The following CADPS variants were observed in gnomAD, a reference collection of about 807,000 sequenced individuals.
CADPS encodes calcium dependent secretion activator, also known as calcium-dependent secretion activator 1.
Under a neutral mutation model 167.3 loss-of-function variants are expected in CADPS, and 57 were observed. That is an observed-to-expected ratio of 0.34 (90% CI 0.28 to 0.42). The LOEUF (loss-of-function observed/expected upper bound fraction) is 0.42. Among genes scored for constraint, CADPS ranks in the 20% least tolerant of loss-of-function variants. The pLI is 1.00. For missense variants in CADPS, 1,414 were observed against 1,738.1 expected (o/e 0.81, Z 3.32); for synonymous variants, 676 against 635.3 (o/e 1.06, Z -0.96).
intron 1 of CADPS, among the ~76,000 whole-genome samples, chr3:62,792,570 G>T (rs535121601): frequency 6.6e-6 from 1 of 151,810 alleles, no homozygotes; most frequent in South Asian, 2.1e-4. Context: ...ATGAAAGCTC[G>T]CATTATAATT....
intron 6 of CADPS, among the ~76,000 whole-genome samples, chr3:62,629,132 AT>A (rs1241717008): frequency 6.6e-6 from 1 of 152,126 alleles, no homozygotes; most frequent in Non-Finnish European, 1.5e-5. Flanking sequence ...TTAGTGAGAG[AT>A]CATTTACATA....
At chr3:62,552,611 A>G (rs2077494856) in intron 10 of CADPS, among the ~76,000 whole-genome samples, 1 of 152,226 alleles carries the variant, frequency 6.6e-6, no homozygotes, top group African/African-American at 2.4e-5. Flanking sequence ...AGGTCCAGCC[A>G]GTAATCTGTT....
At chr3:62,546,947 G>T (rs2076545364) in intron 11 of CADPS, among the ~76,000 whole-genome samples, 1 of 152,048 alleles carries the variant, frequency 6.6e-6, no homozygotes, top group African/African-American at 2.4e-5. Flanking sequence ...TCTTTTGGTT[G>T]CTGTGCATAA....
intron 17 of CADPS, among the ~76,000 whole-genome samples, chr3:62,511,952 G>A (rs1219167849): frequency 6.6e-6 from 1 of 152,136 alleles, no homozygotes; most frequent in African/African-American, 2.4e-5. Context: ...AGAGAGAAAG[G>A]TTCATGTGTC....
chr3:62,608,891 T>G (rs1335684418), intron 6 of CADPS, among the ~76,000 whole-genome samples: 1 of 152,150 alleles, frequency 6.6e-6, no homozygotes, highest in East Asian at 1.9e-4. Flanking sequence ...TACGCCTCCT[T>G]CCAACAAAAA....
intron 21 of CADPS, among the ~76,000 whole-genome samples, chr3:62,487,461 A>G (rs1226402039): frequency 6.6e-6 from 1 of 152,186 alleles, no homozygotes. Context: ...ATGGAAACCC[A>G]TGAGAGGGCC....
chr3:62,812,170 A>G (rs1210623784), intron 1 of CADPS, among the ~76,000 whole-genome samples: 1 of 152,176 alleles, frequency 6.6e-6, no homozygotes, highest in Non-Finnish European at 1.5e-5. Context: ...ATACACAAAA[A>G]TATTAACATA....
rs1443081345 is a variant in CADPS at position 62,465,429 on chromosome 3, C to T, written c.3574G>A (p.Val1192Met). The T allele has an allele frequency of 1.4e-5, 22 of 1,609,686 alleles. No homozygotes were observed. The highest frequency in any genetic ancestry group is 1.8e-5 in the Non-Finnish European group (21 of 1,178,180). The change falls in exon 26 of 30, where the codon GTG becomes ATG. Residue 1192 changes from valine (V) to methionine (M), a missense_variant. This residue lies in a region of CADPS where 185 missense variants were observed against 251.5 expected (regional missense o/e 0.74). Transcript: ENST00000383710. This position sits in a 1 kb window ranked among gnomAD's most constrained non-coding sequence, Gnocchi z 4.1. ...TCATATCTGGATAATTTTGCCAGCA[C>T]TCCTTCCAAGATAGTAACGAACTAG... is the stretch of plus-strand genomic sequence containing the variant. ...VAKFVTILEGVLAKLSRYDEG... is the reference protein window; with the variant it reads ...VAKFVTILEGMLAKLSRYDEG...
intron 3 of CADPS, among the ~76,000 whole-genome samples, chr3:62,696,280 G>T (rs1424683062): frequency 6.6e-6 from 1 of 152,108 alleles, no homozygotes; most frequent in Non-Finnish European, 1.5e-5. Context: ...AGAGGGAACA[G>T]GTACTTGCTC....
At chr3:62,782,512 TA>T (rs2091823789) in intron 1 of CADPS, among the ~76,000 whole-genome samples, 1 of 152,154 alleles carries the variant, frequency 6.6e-6, no homozygotes, top group South Asian at 2.1e-4. Flanking sequence ...AATGTGTCAT[TA>T]AAAGAGGTAA....
chr3:62,578,479 G>A (rs554798629), intron 8 of CADPS, among the ~76,000 whole-genome samples: 11 of 151,700 alleles, frequency 7.3e-5, no homozygotes, highest in East Asian at 3.9e-4. Flanking sequence ...GCATGGTGGC[G>A]GGCACCTGTA....
intron 28 of CADPS, among the ~76,000 whole-genome samples, chr3:62,431,616 T>C (rs1169664760): frequency 6.6e-6 from 1 of 151,702 alleles, no homozygotes; most frequent in Non-Finnish European, 1.5e-5. Context: ...GGCACGGCAG[T>C]CCCTATAACA....
intron 21 of CADPS, among the ~76,000 whole-genome samples, chr3:62,486,490 G>A (rs2062841529): frequency 6.6e-6 from 1 of 151,034 alleles, no homozygotes; most frequent in South Asian, 2.1e-4. Context: ...ATGACTATTT[G>A]GAAAGTGACA....
At chr3:62,551,397 T>C (rs2152274835) in intron 10 of CADPS, among the ~76,000 whole-genome samples, 1 of 152,334 alleles carries the variant, frequency 6.6e-6, no homozygotes. Flanking sequence ...CCATCTCCAG[T>C]TGCGGCCATC....
chr3:62,577,256 G>A (rs1257433795), intron 8 of CADPS, among the ~76,000 whole-genome samples: 3 of 152,158 alleles, frequency 2.0e-5, no homozygotes, highest in Admixed American at 6.6e-5. Flanking sequence ...TGAATTTAAC[G>A]TGAATTAGTA....
intron 1 of CADPS, among the ~76,000 whole-genome samples, chr3:62,767,806 G>A (rs2152517068): frequency 6.6e-6 from 1 of 152,204 alleles, no homozygotes; most frequent in East Asian, 1.9e-4. Context: ...TAAAAAAATA[G>A]AAACAAGTGA....
At chr3:62,787,473 C>A (rs1237949342) in intron 1 of CADPS, among the ~76,000 whole-genome samples, 2 of 152,000 alleles carry the variant, frequency 1.3e-5, no homozygotes, top group Admixed American at 1.3e-4. Context: ...ATTTATCATA[C>A]CATTGATAAA....
intron 3 of CADPS, among the ~76,000 whole-genome samples, chr3:62,682,211 CAAAG>C (rs1273002889): frequency 7.2e-5 from 11 of 152,138 alleles, no homozygotes; most frequent in Non-Finnish European, 1.2e-4. Flanking sequence ...TTTCTGGAAT[CAAAG>C]AAAGAACTCC....
intron 24 of CADPS, among the ~76,000 whole-genome samples, chr3:62,473,071 T>G (rs748462633): frequency 6.6e-6 from 1 of 152,158 alleles, no homozygotes; most frequent in African/African-American, 2.4e-5. Flanking sequence ...TAACGTACAC[T>G]GAAACATGAG....
Sources: allele counts gnomAD v4.1 joint callset (sites outside exome capture counted in the v4.1 genomes callset), GRCh38; gene constraint gnomAD v4.1.1; regional missense constraint gnomAD v4.1.1; non-coding constraint Gnocchi (gnomAD v3.1); transcripts MANE v1.5; gene names NCBI Gene and HGNC (gene_info 2026-07-23, HGNC 2026-07-21).